Variants in RAPGEF2 observed in about 807,000 individuals in gnomAD.
RAPGEF2 encodes the protein PDZ domain containing guanine nucleotide exchange factor (GEF) 1.
RAPGEF2 carries 54 observed loss-of-function variants against 186.7 expected under a neutral mutation model. The ratio of observed to expected loss-of-function variants is 0.29; its 90% CI spans 0.23 to 0.36. The LOEUF is 0.36. Ranked by LOEUF, RAPGEF2 falls within the 10% of genes least tolerant of loss-of-function variation. RAPGEF2 has a pLI of 1.00. For missense variants in RAPGEF2, 1,532 were observed against 2,045.0 expected, an observed-to-expected ratio of 0.75 and a Z score of 4.84; for synonymous variants, 712 against 705.9, an observed-to-expected ratio of 1.01 and a Z score of -0.14.
intron 7 of RAPGEF2, among the ~76,000 whole-genome samples, chr4:159,260,178 C>T (rs1031515361): frequency 6.6e-6 from 1 of 151,886 alleles, no homozygotes; most frequent in South Asian, 2.1e-4. Context: ...CGAGGTTTTG[C>T]CATGTTGCCC....
At chr4:159,310,457 A>G (rs556692569) in intron 8 of RAPGEF2, among the ~76,000 whole-genome samples, 1 of 152,246 alleles carries the variant, frequency 6.6e-6, no homozygotes, top group South Asian at 2.1e-4. Context: ...TAGTTAAATT[A>G]ATACTTCAGT....
chr4:159,317,203 G>C (rs886580308), intron 9 of RAPGEF2, among the ~76,000 whole-genome samples: 10 of 152,098 alleles, frequency 6.6e-5, no homozygotes, highest in Admixed American at 6.5e-4. Context: ...CCTTAGATTA[G>C]ACATTCAACA....
chr4:159,152,099 AC>A (rs1743606832), intron 1 of RAPGEF2, among the ~76,000 whole-genome samples: 1 of 152,330 alleles, frequency 6.6e-6, no homozygotes, highest in Non-Finnish European at 1.5e-5. Context: ...AGGCAGGCAT[AC>A]TGCTTGAGCT....
chr4:159,314,445 C>A, intron 8 of RAPGEF2, 146 bp from the exon 9 acceptor site: 2 of 699,218 alleles, frequency 2.9e-6, no homozygotes. Flanking sequence ...GTAATTGTTA[C>A]ATGTAGTTTC....
chr4:159,162,719 G>A (rs1237078491), intron 1 of RAPGEF2, among the ~76,000 whole-genome samples: 2 of 152,126 alleles, frequency 1.3e-5, no homozygotes, highest in African/African-American at 4.8e-5. Context: ...AAATGGAATT[G>A]ATTCTCAGGT....
At chr4:159,132,736 G>A (rs1225510911) in intron 1 of RAPGEF2, among the ~76,000 whole-genome samples, 1 of 151,948 alleles carries the variant, frequency 6.6e-6, no homozygotes, top group Non-Finnish European at 1.5e-5. Flanking sequence ...AGTCTTTTAC[G>A]TTGATTGCTC....
chr4:159,104,288 T>C (rs1342834073), intron 1 of RAPGEF2, 57 bp downstream of exon 1: 4 of 815,662 alleles, frequency 4.9e-6, no homozygotes, highest in Non-Finnish European at 6.6e-6. Context: ...AGGCTGCGTC[T>C]TCCCCTGTCC....
rs182316085 is a variant in RAPGEF2, at chr4:159,188,384, C to A, written c.140+1672C>A. Among the ~76,000 whole-genome samples, 332 of 152,112 alleles carry A rather than the reference C, an allele frequency of 2.2e-3. 2 individuals are homozygous for A. Among genetic ancestry groups the A allele is most frequent in the African/African-American group, 7.4e-3 (308 of 41,506 alleles). On this transcript the variant is annotated intron_variant, in intron 2 of 29. Coordinates refer to ENST00000691494, the MANE Select transcript of RAPGEF2 (RefSeq NM_001394067.2). ...TCTGGATGACAAAAGTATAAATAGGCTGGGCGTGGTGGCTCATGCCTGTAA... is the reference window on the plus strand; with the variant it reads ...TCTGGATGACAAAAGTATAAATAGGATGGGCGTGGTGGCTCATGCCTGTAA...
intron 4 of RAPGEF2, among the ~76,000 whole-genome samples, chr4:159,232,744 A>G (rs1752779691): frequency 5.9e-5 from 9 of 152,180 alleles, no homozygotes. Context: ...TTACATGCCC[A>G]CCAGCAATGC....
At chr4:159,264,825 C>A (rs1391104510) in intron 7 of RAPGEF2, among the ~76,000 whole-genome samples, 2 of 152,102 alleles carry the variant, frequency 1.3e-5, no homozygotes, top group African/African-American at 2.4e-5. Context: ...TTTGACTACT[C>A]TGGTATCTAG....
intron 1 of RAPGEF2, among the ~76,000 whole-genome samples, chr4:159,136,799 T>G (rs183694404): frequency 4.1e-4 from 62 of 152,296 alleles, no homozygotes; most frequent in Non-Finnish European, 6.6e-4. Context: ...TATAATTTTA[T>G]GAAGTCATGA....
chr4:159,148,286 T>G (rs1743156753), intron 1 of RAPGEF2, among the ~76,000 whole-genome samples: 1 of 152,178 alleles, frequency 6.6e-6, no homozygotes, highest in African/African-American at 2.4e-5. Flanking sequence ...AGTGCCAGTC[T>G]TTATCTTTAA....
chr4:159,181,496 A>T (rs1193051806), intron 1 of RAPGEF2, among the ~76,000 whole-genome samples: 3 of 152,008 alleles, frequency 2.0e-5, no homozygotes, highest in African/African-American at 7.2e-5. Context: ...TTGACAGGTA[A>T]TTTAGTGAAA....
intron 9 of RAPGEF2, 21 bp downstream of exon 9, chr4:159,314,789 G>C (rs948004011): frequency 2.6e-6 from 4 of 1,556,516 alleles, no homozygotes; most frequent in Middle Eastern, 1.7e-4. Context: ...ACAGGAAAAT[G>C]AATCTACGAG....
chr4:159,197,904 A>G (rs1449982031), intron 3 of RAPGEF2, among the ~76,000 whole-genome samples: 1 of 152,120 alleles, frequency 6.6e-6, no homozygotes, highest in African/African-American at 2.4e-5. Context: ...GGAGGAAGGG[A>G]TGTCATTTTG....
chr4:159,181,113 C>T (rs1413026438), intron 1 of RAPGEF2, among the ~76,000 whole-genome samples: 2 of 152,072 alleles, frequency 1.3e-5, no homozygotes, highest in South Asian at 2.1e-4. Context: ...TGTGAAACAC[C>T]GTAATGTTGA....
intron 7 of RAPGEF2, among the ~76,000 whole-genome samples, chr4:159,303,496 A>T (rs1046486507): frequency 6.6e-6 from 1 of 152,132 alleles, no homozygotes; most frequent in Non-Finnish European, 1.5e-5. Context: ...GACAAATATA[A>T]TGTCTTTTTT....
At chr4:159,143,317 A>C (rs1742554499) in intron 1 of RAPGEF2, among the ~76,000 whole-genome samples, 1 of 152,040 alleles carries the variant, frequency 6.6e-6, no homozygotes, top group African/African-American at 2.4e-5. Context: ...TTCTGCAATA[A>C]ATTTCCTCTA....
chr4:159,329,543 T>C (rs1852867), intron 11 of RAPGEF2: 87,265 of 164,836 alleles, frequency 0.53, 23,988 homozygotes, highest in Non-Finnish European at 0.6. Context: ...CCACTCCCCC[T>C]ACTGCAGTGT....
Sources: allele counts gnomAD v4.1 joint callset (sites outside exome capture counted in the v4.1 genomes callset), GRCh38; gene constraint gnomAD v4.1.1; transcripts MANE v1.5; gene names NCBI Gene and HGNC (gene_info 2026-07-23, HGNC 2026-07-21).